CALCR: variants seen among roughly 807,000 people sequenced by gnomAD.
CALCR encodes calcitonin receptor.
Under a neutral mutation model 59.5 loss-of-function variants are expected in CALCR, and 47 were observed. The ratio of observed to expected loss-of-function variants is 0.79; its 90% CI spans 0.63 to 1.01. CALCR has a LOEUF of 1.01. Ranked by LOEUF, CALCR falls within the 50% of genes least tolerant of loss-of-function variation. The pLI is 0.00. For missense variants in CALCR, 566 were observed against 597.1 expected, an observed-to-expected ratio of 0.95 and a Z score of 0.54; for synonymous variants, 213 against 211.3, an observed-to-expected ratio of 1.01 and a Z score of -0.07.
chr7:93,535,343 T>C (rs1268655132), intron 2 of CALCR, among the ~76,000 whole-genome samples: 2 of 151,746 alleles, frequency 1.3e-5, no homozygotes. Flanking sequence ...CAAATATTAT[T>C]CTTCCCACTA....
Position 93,453,048 on chromosome 7 carries a change from T to C in CALCR, c.648+7773A>G, listed in dbSNP as rs183055457. The stretch of plus-strand genomic sequence containing the variant: ...GCCTCTACATATGTGTATTCTACTT[T>C]TATGCTTAGTCCCTTTTAGATTTAA... On this transcript the variant is annotated intron_variant, in intron 8 of 13. Coordinates refer to ENST00000426151, the MANE Select transcript of CALCR (RefSeq NM_001742.4). Among the ~76,000 whole-genome samples, 27 of 152,152 alleles carry C rather than the reference T, an allele frequency of 1.8e-4. No individual in the cohort carries two copies. The East Asian group carries it at 4.1e-3, about 23-fold the overall frequency.
chr7:93,540,044 G>T (rs1789090934), intron 2 of CALCR, among the ~76,000 whole-genome samples: 1 of 152,200 alleles, frequency 6.6e-6, no homozygotes, highest in African/African-American at 2.4e-5. Flanking sequence ...GTGGGGAGAA[G>T]AAAGAGAGTA....
chr7:93,549,266 T>G (rs552348913), intron 2 of CALCR, among the ~76,000 whole-genome samples: 2 of 151,270 alleles, frequency 1.3e-5, no homozygotes, highest in East Asian at 1.9e-4. Flanking sequence ...GATGAGAAAG[T>G]ATTCTTAGAC....
intron 2 of CALCR, among the ~76,000 whole-genome samples, chr7:93,553,133 A>G (rs1313210365): frequency 6.6e-6 from 1 of 152,194 alleles, no homozygotes; most frequent in African/African-American, 2.4e-5. Flanking sequence ...GTTATTTTAA[A>G]AATCTGCTAT....
intron 2 of CALCR, among the ~76,000 whole-genome samples, chr7:93,543,043 C>T (rs1036125033): frequency 1.3e-5 from 2 of 151,938 alleles, no homozygotes; most frequent in African/African-American, 4.8e-5. Context: ...AAACCAGTAA[C>T]ATATTCATTT....
At chr7:93,467,154 G>A (rs1056346057) in intron 7 of CALCR, among the ~76,000 whole-genome samples, 1 of 151,686 alleles carries the variant, frequency 6.6e-6, no homozygotes, top group Admixed American at 6.6e-5. Flanking sequence ...CCATAATGAA[G>A]TGCAATTGAA....
intron 2 of CALCR, among the ~76,000 whole-genome samples, chr7:93,532,974 AAC>A (rs1788885730): frequency 6.6e-6 from 1 of 151,864 alleles, no homozygotes; most frequent in Admixed American, 6.6e-5. Flanking sequence ...AATACCTAGA[AAC>A]ACATTTGAGG....
chr7:93,554,034 A>G (rs1789531173), intron 2 of CALCR, among the ~76,000 whole-genome samples: 1 of 152,224 alleles, frequency 6.6e-6, no homozygotes, highest in Admixed American at 6.5e-5. Flanking sequence ...AGTTTGTTTA[A>G]GAAATCTGGA....
chr7:93,502,633 G>T (rs1033490907), intron 2 of CALCR, among the ~76,000 whole-genome samples: 2 of 151,866 alleles, frequency 1.3e-5, no homozygotes, highest in Non-Finnish European at 2.9e-5. Flanking sequence ...ATTATAAATT[G>T]GTCCAGATTT....
intron 9 of CALCR, among the ~76,000 whole-genome samples, chr7:93,442,484 A>G (rs1366008456): frequency 6.6e-6 from 1 of 152,202 alleles, no homozygotes; most frequent in Non-Finnish European, 1.5e-5. Flanking sequence ...TACAGACTGC[A>G]GGAAAGACTC....
chr7:93,478,372 AT>A (rs949629100), intron 4 of CALCR, among the ~76,000 whole-genome samples: 2 of 151,744 alleles, frequency 1.3e-5, no homozygotes, highest in Admixed American at 6.6e-5. Context: ...ATATTTTACC[AT>A]TTTTTTCCCT....
intron 5 of CALCR, among the ~76,000 whole-genome samples, chr7:93,473,342 T>A (rs1020861157): frequency 6.6e-6 from 1 of 151,810 alleles, no homozygotes; most frequent in African/African-American, 2.4e-5. Context: ...TTCCCTTCCA[T>A]AACTAGCAGG....
chr7:93,493,150 A>G (rs1801121685), intron 2 of CALCR, among the ~76,000 whole-genome samples: 1 of 151,346 alleles, frequency 6.6e-6, no homozygotes, highest in African/African-American at 2.4e-5. Context: ...TTAGATAGCT[A>G]TATATCTCTG....
In CALCR at chr7:93,431,488, T is replaced by G. The variant is rs527939647; in HGVS notation, c.1191+2765A>C. Among the ~76,000 whole-genome samples, 24 of 152,262 alleles carry G rather than the reference T, an allele frequency of 1.6e-4. No homozygotes were observed. The South Asian group carries it at 4.4e-3, about 28-fold the overall frequency. On this transcript the variant is annotated intron_variant, in intron 13 of 13. Coordinates refer to ENST00000426151, the MANE Select transcript of CALCR (RefSeq NM_001742.4). Reference sequence around the variant, plus strand: ...TGTGAATCAGAATAGGGCTGTGGCTTCATCAAGGAGGCCACAGGTGAAAAG... The same window carrying G: ...TGTGAATCAGAATAGGGCTGTGGCTGCATCAAGGAGGCCACAGGTGAAAAG...
chr7:93,545,431 C>T (rs1789259575), intron 2 of CALCR, among the ~76,000 whole-genome samples: 1 of 152,008 alleles, frequency 6.6e-6, no homozygotes, highest in Non-Finnish European at 1.5e-5. Flanking sequence ...TTGTATTTAA[C>T]AGAAATTTAA....
intron 7 of CALCR, among the ~76,000 whole-genome samples, chr7:93,466,907 G>A (rs1328952596): frequency 6.6e-6 from 1 of 151,610 alleles, no homozygotes; most frequent in Non-Finnish European, 1.5e-5. Flanking sequence ...TTTCTTTGCT[G>A]ATTTGGCTCT....
At chr7:93,433,906 T>C (rs757220306) in intron 13 of CALCR, among the ~76,000 whole-genome samples, 1 of 152,198 alleles carries the variant, frequency 6.6e-6, no homozygotes, top group Non-Finnish European at 1.5e-5. Context: ...GAATGGAGAT[T>C]GTCTCTGCCC....
At chr7:93,431,949 T>C (rs1391902351) in intron 13 of CALCR, among the ~76,000 whole-genome samples, 1 of 152,204 alleles carries the variant, frequency 6.6e-6, no homozygotes, top group Non-Finnish European at 1.5e-5. Context: ...TACCTAATAA[T>C]TTACTGATAT....
At chr7:93,434,697 T>C (rs192527887) in intron 12 of CALCR, among the ~76,000 whole-genome samples, 22 of 152,270 alleles carry the variant, frequency 1.4e-4, no homozygotes, top group Non-Finnish European at 2.4e-4. Flanking sequence ...GCTGTGGGTC[T>C]GTGTCCTATG....
Sources: allele counts gnomAD v4.1 joint callset (sites outside exome capture counted in the v4.1 genomes callset), GRCh38; gene constraint gnomAD v4.1.1; transcripts MANE v1.5; gene names NCBI Gene and HGNC (gene_info 2026-07-23, HGNC 2026-07-21).